NEK1: variants seen among roughly 807,000 people sequenced by gnomAD.
NEK1 encodes NIMA related kinase 1, also known as serine/threonine-protein kinase Nek1.
Under a neutral mutation model 182.1 loss-of-function variants are expected in NEK1, and 137 were observed. The observed-to-expected ratio is 0.75, with a 90% CI of 0.65 to 0.87. NEK1 has a LOEUF of 0.87. Ranked by LOEUF, NEK1 falls within the 40% of genes least tolerant of loss-of-function variation. The pLI is 0.00. For missense variants in NEK1, 1,391 were observed against 1,494.4 expected (o/e 0.93, Z 1.14); for synonymous variants, 513 against 492.2 (o/e 1.04, Z -0.56).
Position 169,576,931 on chromosome 4 carries a change from T to A in NEK1, c.1017A>T (p.Lys339Asn), listed in dbSNP as rs563173673. The A allele has an allele frequency of 6.3e-7, 1 of 1,598,848 alleles. No homozygotes were observed. ...LHEKKPLQKHKQAHQTPEKRV... is the reference protein window; with the variant it reads ...LHEKKPLQKHNQAHQTPEKRV... ...ATGGTATGTAACATGATCATACCTG[T>A]TTATGTTTTTGCAGTGGTTTCTTTT... is the stretch of plus-strand genomic sequence containing the variant. The change falls in exon 12 of 36, where the codon AAA (lysine) becomes AAT (asparagine). Residue 339 changes from lysine to asparagine, a missense_variant. Around this residue, in one of 5 missense-constraint regions of NEK1, gnomAD observed 1,216 missense variants for 1,277.6 expected, o/e 0.95. Coordinates refer to ENST00000507142, the MANE Select transcript of NEK1 (RefSeq NM_001199397.3).
chr4:169,512,160 T>G (rs1161177760), intron 19 of NEK1, among the ~76,000 whole-genome samples: 1 of 152,196 alleles, frequency 6.6e-6, no homozygotes, highest in Admixed American at 6.5e-5. Context: ...GTTCTTGGTA[T>G]GAAGTCCATT....
chr4:169,476,986 T>C (rs546859700), intron 26 of NEK1, 138 bp downstream of exon 26: 241 of 577,004 alleles, frequency 4.2e-4, no homozygotes, highest in Non-Finnish European at 6.6e-4. Context: ...GCACTTCTAT[T>C]CGCCCAAAAG....
chr4:169,557,702 G>A (rs933992019), intron 16 of NEK1, among the ~76,000 whole-genome samples: 16 of 152,148 alleles, frequency 1.1e-4, no homozygotes, highest in African/African-American at 3.6e-4. Context: ...GGAGGCTGAG[G>A]TGGGCAGATT....
intron 23 of NEK1, among the ~76,000 whole-genome samples, chr4:169,494,344 C>T (rs1056216625): frequency 1.3e-5 from 2 of 152,068 alleles, no homozygotes; most frequent in Non-Finnish European, 1.5e-5. Context: ...TGAGAACATG[C>T]AGTGTTTGGT....
At chr4:169,494,166 G>A (rs1271280466) in intron 23 of NEK1, among the ~76,000 whole-genome samples, 3 of 150,752 alleles carry the variant, frequency 2.0e-5, no homozygotes, top group Non-Finnish European at 4.4e-5. Context: ...TGTTACATAT[G>A]TATACATGTA....
intron 27 of NEK1, among the ~76,000 whole-genome samples, chr4:169,443,056 T>C (rs924005645): frequency 3.5e-5 from 4 of 113,080 alleles, no homozygotes; most frequent in Non-Finnish European, 5.8e-5. Context: ...ATATTTTATC[T>C]ATCTATCTAT....
chr4:169,401,520 G>C, intron 33 of NEK1, 132 bp downstream of exon 33: 1 of 563,000 alleles, frequency 1.8e-6, no homozygotes, highest in Non-Finnish European at 2.9e-6. Flanking sequence ...TGAAAAAAGG[G>C]GAGAGACCCA....
intron 33 of NEK1, 107 bp from the exon 34 acceptor site, chr4:169,400,758 A>G: frequency 1.4e-6 from 1 of 724,582 alleles, no homozygotes; most frequent in Non-Finnish European, 2.1e-6. Context: ...GAAATAGACT[A>G]CTTCTACTTT....
chr4:169,598,424 A>G (rs965500714), intron 5 of NEK1, among the ~76,000 whole-genome samples: 1 of 152,132 alleles, frequency 6.6e-6, no homozygotes, highest in Non-Finnish European at 1.5e-5. Context: ...TGGAAAATTT[A>G]AAGAAGCTGG....
intron 27 of NEK1, among the ~76,000 whole-genome samples, chr4:169,438,674 A>C (rs1420932082): frequency 6.6e-6 from 1 of 152,232 alleles, no homozygotes; most frequent in Non-Finnish European, 1.5e-5. Context: ...AGAAAAAAAA[A>C]CTACCTCAGA....
intron 31 of NEK1, among the ~76,000 whole-genome samples, chr4:169,412,094 G>A (rs567559280): frequency 3.9e-5 from 6 of 152,250 alleles, no homozygotes; most frequent in Admixed American, 6.5e-5. Flanking sequence ...CCTCACTACT[G>A]TTAACTCTAG....
intron 23 of NEK1, among the ~76,000 whole-genome samples, chr4:169,486,402 C>G (rs1749048572): frequency 6.6e-6 from 1 of 152,164 alleles, no homozygotes; most frequent in Non-Finnish European, 1.5e-5. Context: ...CATGAAACCA[C>G]CAGTCTGCCT....
chr4:169,405,906 C>T (rs1732508945), intron 32 of NEK1, among the ~76,000 whole-genome samples: 1 of 152,092 alleles, frequency 6.6e-6, no homozygotes, highest in Non-Finnish European at 1.5e-5. Context: ...GAGTTTGAGA[C>T]CAGCCTGACC....
intron 2 of NEK1, among the ~76,000 whole-genome samples, chr4:169,607,203 C>A (rs1446952158): frequency 1.3e-5 from 2 of 152,180 alleles, no homozygotes; most frequent in Non-Finnish European, 2.9e-5. Context: ...CAAAACAAAA[C>A]TAACAATTTT....
chr4:169,534,787 A>G (rs1438185505), intron 19 of NEK1, among the ~76,000 whole-genome samples: 2 of 152,188 alleles, frequency 1.3e-5, no homozygotes, highest in Non-Finnish European at 2.9e-5. Flanking sequence ...ACAAATATTT[A>G]TAAAATACGC....
chr4:169,530,139 A>T (rs1227543598), intron 19 of NEK1, among the ~76,000 whole-genome samples: 2 of 152,212 alleles, frequency 1.3e-5, no homozygotes, highest in Non-Finnish European at 2.9e-5. Context: ...CAAATGGATA[A>T]ACAAACTGTT....
At chr4:169,447,487 ATAGT>A (rs1308320243) in intron 27 of NEK1, among the ~76,000 whole-genome samples, 2 of 152,228 alleles carry the variant, frequency 1.3e-5, no homozygotes, top group African/African-American at 4.8e-5. Context: ...TTCACCAGTA[ATAGT>A]AAGTATACAG....
chr4:169,460,768 T>C (rs1177908413), intron 27 of NEK1, among the ~76,000 whole-genome samples: 3 of 152,162 alleles, frequency 2.0e-5, no homozygotes, highest in Admixed American at 6.5e-5. Flanking sequence ...AGCAATGTTT[T>C]ATGCCAGAAT....
chr4:169,540,277 A>T (rs1164047561), intron 18 of NEK1, among the ~76,000 whole-genome samples: 1 of 152,166 alleles, frequency 6.6e-6, no homozygotes, highest in Non-Finnish European at 1.5e-5. Context: ...AGTTCCAGGG[A>T]GGCAAGGTTG....
Sources: allele counts gnomAD v4.1 joint callset (sites outside exome capture counted in the v4.1 genomes callset), GRCh38; gene constraint gnomAD v4.1.1; regional missense constraint gnomAD v4.1.1; transcripts MANE v1.5; gene names NCBI Gene and HGNC (gene_info 2026-07-23, HGNC 2026-07-21).